ACTR3B: variants seen among roughly 807,000 people sequenced by gnomAD.
ACTR3B encodes the protein actin related protein 3B, also known as actin-related protein 3B.
Under a neutral mutation model 59.0 loss-of-function variants are expected in ACTR3B, and 8 were observed. The observed-to-expected ratio is 0.14, with a 90% CI of 0.08 to 0.24. ACTR3B has a LOEUF of 0.24. Ranked by LOEUF, ACTR3B falls within the 10% of genes least tolerant of loss-of-function variation. ACTR3B has a pLI of 1.00. For missense variants in ACTR3B, 245 were observed against 552.3 expected (o/e 0.44, Z 5.58); for synonymous variants, 148 against 197.9 (o/e 0.75, Z 2.12).
At chr7:152,801,102 A>G (rs1196856115) in intron 3 of ACTR3B, among the ~76,000 whole-genome samples, 16 of 152,128 alleles carry the variant, frequency 1.1e-4, no homozygotes, top group Non-Finnish European at 2.1e-4. Flanking sequence ...TTTTTTAGAG[A>G]TAGGTCTTAC....
chr7:152,768,212 G>A (rs1228308511), intron 1 of ACTR3B, among the ~76,000 whole-genome samples: 1 of 152,242 alleles, frequency 6.6e-6, no homozygotes, highest in East Asian at 1.9e-4. Context: ...AACAGAGCCA[G>A]ACGCTGTCTC....
At chr7:152,837,672 TGA>T (rs1563147246) in intron 9 of ACTR3B, among the ~76,000 whole-genome samples, 1 of 152,260 alleles carries the variant, frequency 6.6e-6, no homozygotes, top group Non-Finnish European at 1.5e-5. Flanking sequence ...ATTTTAGGAA[TGA>T]GAGGCAGACT....
At chr7:152,763,743 A>T (rs2098098638) in intron 1 of ACTR3B, among the ~76,000 whole-genome samples, 1 of 152,198 alleles carries the variant, frequency 6.6e-6, no homozygotes, top group Non-Finnish European at 1.5e-5. Flanking sequence ...TTCTTGCCTG[A>T]ATTACTAATT....
intron 9 of ACTR3B, among the ~76,000 whole-genome samples, chr7:152,843,192 C>A (rs964286638): frequency 2.6e-5 from 4 of 151,800 alleles, no homozygotes; most frequent in Non-Finnish European, 5.9e-5. Flanking sequence ...TGTATGGAAG[C>A]CCATTTATCA....
intron 9 of ACTR3B, among the ~76,000 whole-genome samples, chr7:152,830,898 G>A (rs747651477): frequency 3.6e-4 from 55 of 152,110 alleles, no homozygotes; most frequent in Non-Finnish European, 6.2e-4. Flanking sequence ...CTTAATATTT[G>A]GAGAGAGAAA....
intron 7 of ACTR3B, among the ~76,000 whole-genome samples, chr7:152,821,494 C>A (rs1195962469): frequency 6.6e-6 from 1 of 152,062 alleles, no homozygotes; most frequent in Non-Finnish European, 1.5e-5. Flanking sequence ...AAGAATTGAG[C>A]CTTTTGTTAT....
chr7:152,825,272 A>G (rs1259365858), intron 9 of ACTR3B, 150 bp downstream of exon 9: 1 of 835,264 alleles, frequency 1.2e-6, no homozygotes, highest in Admixed American at 3.7e-5. Flanking sequence ...TAATTGTAAG[A>G]GAAAATGGAA....
At chr7:152,796,061 T>G (rs1215229745) in intron 2 of ACTR3B, among the ~76,000 whole-genome samples, 1 of 152,142 alleles carries the variant, frequency 6.6e-6, no homozygotes, top group Non-Finnish European at 1.5e-5. Context: ...GTCAGGCTGG[T>G]CTTGAACTCC....
intron 9 of ACTR3B, among the ~76,000 whole-genome samples, chr7:152,851,584 C>G (rs1798808785): frequency 6.6e-6 from 1 of 152,172 alleles, no homozygotes; most frequent in South Asian, 2.1e-4. Flanking sequence ...CCTTCCTCAG[C>G]CCCCCACCGA....
chr7:152,845,256 T>C (rs1296552515), intron 9 of ACTR3B, among the ~76,000 whole-genome samples: 1 of 152,120 alleles, frequency 6.6e-6, no homozygotes, highest in African/African-American at 2.4e-5. Context: ...TTTTTTGCCC[T>C]TTTTCTGTCT....
At chr7:152,840,735 GTCCCCCT>G (rs1797819629) in intron 9 of ACTR3B, among the ~76,000 whole-genome samples, 1 of 76,090 alleles carries the variant, frequency 1.3e-5, no homozygotes, top group African/African-American at 4.9e-5. Context: ...GCTCTGGCAG[GTCCCCCT>G]TGTCCCCTGA....
At chr7:152,800,784 AGGTGGT>A (rs1175273649) in intron 3 of ACTR3B, 129 bp downstream of exon 3, 1 of 1,217,596 alleles carries the variant, frequency 8.2e-7, no homozygotes, top group African/African-American at 1.6e-5. Context: ...GTTTGAATAG[AGGTGGT>A]GGTGATGGTT....
chr7:152,838,415 C>G (rs1299218969), intron 9 of ACTR3B, among the ~76,000 whole-genome samples: 1 of 152,218 alleles, frequency 6.6e-6, no homozygotes, highest in Non-Finnish European at 1.5e-5. Flanking sequence ...AACCATCATT[C>G]TCAGCAAACT....
At chr7:152,839,213 G>A (rs1797695319) in intron 9 of ACTR3B, among the ~76,000 whole-genome samples, 1 of 145,182 alleles carries the variant, frequency 6.9e-6, no homozygotes, top group South Asian at 2.1e-4. Flanking sequence ...AGGAAGGGAG[G>A]CAGTGTGGAC....
chr7:152,765,815 T>G (rs540390366), intron 1 of ACTR3B, among the ~76,000 whole-genome samples: 1 of 151,988 alleles, frequency 6.6e-6, no homozygotes, highest in Non-Finnish European at 1.5e-5. Context: ...TGGCTCACAG[T>G]TCTGGAGGCT....
intron 1 of ACTR3B, among the ~76,000 whole-genome samples, chr7:152,765,127 TTTTTC>T (rs1367340676): frequency 0.01 from 1,257 of 122,564 alleles, 16 homozygotes; most frequent in African/African-American, 0.037. Context: ...TTTTTTTTTT[TTTTTC>T]CGGAGACAGA....
chr7:152,852,340 C>G, intron 10 of ACTR3B, 89 bp downstream of exon 10: 1 of 1,464,400 alleles, frequency 6.8e-7, no homozygotes, highest in East Asian at 2.3e-5. Flanking sequence ...AGGAGCTTGT[C>G]TGGGCCGCGT....
chr7:152,796,377 G>A (rs1184567587), intron 2 of ACTR3B, among the ~76,000 whole-genome samples: 1 of 150,842 alleles, frequency 6.6e-6, no homozygotes, highest in East Asian at 2.0e-4. Flanking sequence ...GTTGTATCTG[G>A]GTACCTGTTC....
At chr7:152,825,709 A>G (rs1251891370) in intron 9 of ACTR3B, among the ~76,000 whole-genome samples, 1 of 152,174 alleles carries the variant, frequency 6.6e-6, no homozygotes, top group Non-Finnish European at 1.5e-5. Flanking sequence ...ATATCGATGG[A>G]AAGTAAGAGC....
Sources: gnomAD v4.1 joint callset for allele counts (sites outside exome capture counted in the v4.1 genomes callset) on GRCh38, gnomAD v4.1.1 for gene constraint, MANE v1.5 for transcripts, NCBI Gene and HGNC (gene_info 2026-07-23, HGNC 2026-07-21) for gene names.